The following KIAA1549L variants were observed in gnomAD, a reference collection of about 807,000 sequenced individuals.
KIAA1549L encodes KIAA1549 like.
A neutral mutation model predicts 160.7 loss-of-function variants in KIAA1549L; 88 were observed. The ratio of observed to expected loss-of-function variants is 0.55; its 90% CI spans 0.46 to 0.65. The LOEUF is 0.65. KIAA1549L is among the 30% of genes least tolerant of loss of function. The pLI is 0.00. For missense variants in KIAA1549L, 2,258 were observed against 2,437.5 expected (o/e 0.93, Z 1.55); for synonymous variants, 950 against 976.7 (o/e 0.97, Z 0.51).
intron 1 of KIAA1549L, among the ~76,000 whole-genome samples, chr11:33,441,994 CCA>C: frequency 6.6e-6 from 1 of 152,072 alleles, no homozygotes; most frequent in South Asian, 2.1e-4. Flanking sequence ...AAGTCCTTGC[CCA>C]TGCCTATGTC....
In KIAA1549L at chr11:33,587,003, G is replaced by A. The variant is rs573222598; in HGVS notation, c.4566+3502G>A. 2.2e-4 allele frequency among the ~76,000 whole-genome samples: 34 copies of A among 152,252 alleles called. 1 individual carries two copies. The highest frequency in any genetic ancestry group is 6.8e-3 in the Middle Eastern group (2 of 294). On this transcript the variant is annotated intron_variant, in intron 11 of 20. Transcript: ENST00000658780. ...TTCAGCACCAAAGACAGTCCCTGTCGTTGGAACAACAATAGGAAAGTTACT... is the reference window on the plus strand; with the variant it reads ...TTCAGCACCAAAGACAGTCCCTGTCATTGGAACAACAATAGGAAAGTTACT...
chr11:33,653,569 T>C (rs1369063243), intron 17 of KIAA1549L, among the ~76,000 whole-genome samples: 1 of 152,220 alleles, frequency 6.6e-6, no homozygotes, highest in African/African-American at 2.4e-5. Context: ...ACAGTGTATC[T>C]AGATGTGTGT....
At chr11:33,647,539 C>A (rs192078909) in intron 17 of KIAA1549L, among the ~76,000 whole-genome samples, 1 of 152,130 alleles carries the variant, frequency 6.6e-6, no homozygotes, top group Admixed American at 6.6e-5. Context: ...TGACTTAAAT[C>A]ACAATTTTAA....
At chr11:33,484,015 T>C (rs78370415) in intron 1 of KIAA1549L, among the ~76,000 whole-genome samples, 2,828 of 152,354 alleles carry the variant, frequency 0.019, 78 homozygotes, top group African/African-American at 0.062. Flanking sequence ...ATCCATGCTG[T>C]GAGGGATGCA....
Position 33,500,096 on chromosome 11 carries a change from C to T in KIAA1549L, c.239-41706C>T, listed in dbSNP as rs897442671. ...TGCCTTCTACCTCTCACTCAACCTG[C>T]AGTAAGCAGTTATTATCCTAATTTT... On this transcript the variant is annotated intron_variant, in intron 1 of 20. Coordinates refer to ENST00000658780, the MANE Select transcript of KIAA1549L (RefSeq NM_012194.3). Among the ~76,000 whole-genome samples, 8 of 152,250 alleles carry T rather than the reference C, an allele frequency of 5.3e-5. No individual in the cohort carries two copies. The South Asian group carries it at 8.3e-4, about 16-fold the overall frequency.
Position 33,405,839 on chromosome 11 carries a change from C to CAAAAAAAAAAAAA in KIAA1549L, c.238+28962_238+28974dup, listed in dbSNP as rs35479859. ...CCTGGGCAACAGAGCCAGTCTGTCT[C>CAAAAAAAAAAAAA]AAAAAAAAAAAAAAAAAAAAAAAAG... On this transcript the variant is annotated intron_variant, in intron 1 of 20. Coordinates refer to ENST00000658780, the MANE Select transcript of KIAA1549L (RefSeq NM_012194.3). Among the ~76,000 whole-genome samples the CAAAAAAAAAAAAA allele has an allele frequency of 1.7e-4, 12 of 68,872 alleles. No individual in the cohort carries two copies. The South Asian group carries it at 2.3e-3, about 13-fold the overall frequency. 45.2% of individuals were successfully genotyped at this position (68,872 alleles called of 152,430 possible). A position where few individuals can be genotyped will look rare whatever the true frequency, so the allele number is the denominator to read the frequency against.
intron 12 of KIAA1549L, among the ~76,000 whole-genome samples, chr11:33,594,566 A>G (rs7939586): frequency 0.21 from 31,879 of 152,146 alleles, 3,721 homozygotes; most frequent in East Asian, 0.36. Context: ...GTGGTTGCAG[A>G]GCAGCAAGAA....
chr11:33,409,459 C>A (rs1465418343), intron 1 of KIAA1549L, among the ~76,000 whole-genome samples: 2 of 152,102 alleles, frequency 1.3e-5, no homozygotes, highest in Non-Finnish European at 2.9e-5. Flanking sequence ...CAAGATATTT[C>A]CCTCCTCCTT....
At chr11:33,592,328 A>G (rs968959407) in intron 12 of KIAA1549L, among the ~76,000 whole-genome samples, 1 of 152,206 alleles carries the variant, frequency 6.6e-6, no homozygotes, top group South Asian at 2.1e-4. Flanking sequence ...TTAGAAGGAT[A>G]CTTTGATGGC....
At chr11:33,404,139 A>G (rs1488832541) in intron 1 of KIAA1549L, among the ~76,000 whole-genome samples, 1 of 152,220 alleles carries the variant, frequency 6.6e-6, no homozygotes, top group Non-Finnish European at 1.5e-5. Flanking sequence ...GGGAGGGTGG[A>G]ATGGATCCTT....
At position 33,656,030 on chromosome 11, in the gene KIAA1549L, C is replaced by A; in HGVS notation, c.5779C>A (p.Leu1927Ile). ...LPRPAYRFSQ[L>I]PEMVMGSPPP... ...TTCACAGGCTTACAGGTTTTCCCAG[C>A]TTCCTGAGATGGTCATGGGCTCACC... Residue 1927 changes from leucine to isoleucine, a missense_variant, in exon 18 of 21, where the codon CTT becomes ATT. Transcript: ENST00000658780. 6.2e-7 allele frequency: 1 copy of A among 1,613,796 alleles called. No individual in the cohort carries two copies. Among genetic ancestry groups the A allele is most frequent in the South Asian group, 1.1e-5 (1 of 91,020 alleles).
intron 9 of KIAA1549L, 128 bp downstream of exon 9, chr11:33,568,355 A>G (rs1317228898): frequency 6.0e-6 from 5 of 834,314 alleles, no homozygotes; most frequent in Non-Finnish European, 8.8e-6. Context: ...AAGCCATTTT[A>G]TCAAGGCTGC....
At chr11:33,459,955 C>G (rs1406673474) in intron 1 of KIAA1549L, among the ~76,000 whole-genome samples, 1 of 31,024 alleles carries the variant, frequency 3.2e-5, no homozygotes, top group Non-Finnish European at 6.5e-5. Flanking sequence ...AGCGAGACTC[C>G]GTCTCAAAAA....
rs893122876 is a variant in KIAA1549L, at chr11:33,542,766, G to A, written c.1203G>A (p.Val401=). Reference sequence around the variant, plus strand: ...TGCCTGGAAGAGTGCACAATGGGGTGTCTTTGCCAACTTTTAAGAATACAG... The same window carrying A: ...TGCCTGGAAGAGTGCACAATGGGGTATCTTTGCCAACTTTTAAGAATACAG... ...AGVPGRVHNG[V]SLPTFKNTET... The change falls in exon 2 of 21, where the codon GTG becomes GTA. Residue 401 remains valine (V), a synonymous_variant. Transcript: ENST00000658780. 12 of 1,613,802 alleles carry A rather than the reference G, an allele frequency of 7.4e-6. No individual in the cohort carries two copies. Among genetic ancestry groups the A allele is most frequent in the Non-Finnish European group, 1.0e-5 (12 of 1,179,850 alleles).
At chr11:33,467,232 A>C (rs1479478759) in intron 1 of KIAA1549L, among the ~76,000 whole-genome samples, 4 of 152,138 alleles carry the variant, frequency 2.6e-5, no homozygotes, top group Admixed American at 6.5e-5. Flanking sequence ...GAGAAGCAGC[A>C]GCCAGTAGAG....
intron 9 of KIAA1549L, among the ~76,000 whole-genome samples, chr11:33,570,399 A>T (rs967984383): frequency 3.3e-5 from 5 of 152,240 alleles, no homozygotes; most frequent in Admixed American, 1.3e-4. Flanking sequence ...CAAATCCCTG[A>T]TTTACAGAGG....
chr11:33,385,860 GT>G (rs1157024423), intron 1 of KIAA1549L, among the ~76,000 whole-genome samples: 3 of 151,120 alleles, frequency 2.0e-5, no homozygotes. Flanking sequence ...CATTTTTCAT[GT>G]TTTTCAGTGC....
intron 4 of KIAA1549L, 119 bp from the exon 5 acceptor site, chr11:33,550,921 A>G (rs1319365120): frequency 1.2e-6 from 1 of 821,020 alleles, no homozygotes. Flanking sequence ...TATTTGTTGA[A>G]CGAGAACATT....
At chr11:33,380,631 T>C (rs988912437) in intron 1 of KIAA1549L, among the ~76,000 whole-genome samples, 1 of 152,112 alleles carries the variant, frequency 6.6e-6, no homozygotes, top group African/African-American at 2.4e-5. Context: ...AGTGGGGTGT[T>C]AAAGTCCCCC....
Sources: allele counts gnomAD v4.1 joint callset (sites outside exome capture counted in the v4.1 genomes callset), GRCh38; gene constraint gnomAD v4.1.1; transcripts MANE v1.5; gene names NCBI Gene and HGNC (gene_info 2026-07-23, HGNC 2026-07-21).